The following PDGFRA variants were observed in gnomAD, a reference collection of about 807,000 sequenced individuals.
The protein encoded by PDGFRA is platelet derived growth factor receptor alpha.
PDGFRA carries 25 observed loss-of-function variants against 121.5 expected under a neutral mutation model. That is an observed-to-expected ratio of 0.21 (90% CI 0.15 to 0.29). The LOEUF (loss-of-function observed/expected upper bound fraction) is 0.29. PDGFRA is among the 10% of genes least tolerant of loss of function. The pLI is 1.00. For synonymous variants in PDGFRA, 463 were observed against 494.8 expected, an observed-to-expected ratio of 0.94 and a Z score of 0.85; for missense variants, 1,008 against 1,345.1, an observed-to-expected ratio of 0.75 and a Z score of 3.92.
In PDGFRA at chr4:54,292,589, A is replaced by T. The variant is rs558088225; in HGVS notation, c.3122+2035A>T. Among the ~76,000 whole-genome samples, 25 of 152,256 alleles carry T rather than the reference A, an allele frequency of 1.6e-4. No homozygotes were observed. The East Asian group carries it at 4.4e-3, about 27-fold the overall frequency. On this transcript the variant is annotated intron_variant, in intron 22 of 22. Coordinates refer to ENST00000257290, the MANE Select transcript of PDGFRA (RefSeq NM_006206.6). ...CTGGGCATAATACCTGGGTGATGGGATGATCTGTGCGGCAAACCACCATGA... is the reference window on the plus strand; with the variant it reads ...CTGGGCATAATACCTGGGTGATGGGTTGATCTGTGCGGCAAACCACCATGA...
chr4:54,260,512 A>C (rs1577704135), intron 2 of PDGFRA, among the ~76,000 whole-genome samples: 1 of 138,640 alleles, frequency 7.2e-6, no homozygotes, highest in Admixed American at 7.8e-5. Context: ...TGATCCTCCC[A>C]CCTCAGCCTC....
At chr4:54,260,683 T>C (rs1489512958) in intron 2 of PDGFRA, among the ~76,000 whole-genome samples, 1 of 152,090 alleles carries the variant, frequency 6.6e-6, no homozygotes, top group Admixed American at 6.5e-5. Flanking sequence ...GCTGGGATTA[T>C]AGACATGAGC....
intron 1 of PDGFRA, among the ~76,000 whole-genome samples, chr4:54,253,322 C>A (rs909533935): frequency 6.6e-6 from 1 of 152,190 alleles, no homozygotes; most frequent in Non-Finnish European, 1.5e-5. Flanking sequence ...GGGCAAGCAA[C>A]CAATCAGACC....
intron 1 of PDGFRA, among the ~76,000 whole-genome samples, chr4:54,241,308 G>A (rs1431927513): frequency 6.6e-6 from 1 of 151,954 alleles, no homozygotes. Flanking sequence ...TTTTTGGTAA[G>A]GAATGTTATA....
In PDGFRA at chr4:54,273,522, C is replaced by T. The variant is rs1723520156; in HGVS notation, c.1365-15C>T. 1.2e-6 allele frequency: 2 copies of T among 1,611,142 alleles called. No individual in the cohort carries two copies. The highest frequency in any genetic ancestry group is 2.2e-5 in the South Asian group (2 of 90,984). ...TCAGGAATTGGCCCTATACTTAGGC[C>T]CTTTTTCTCTCTAGATGTAATAATG... is the stretch of plus-strand genomic sequence containing the variant. On this transcript the variant is annotated splice_polypyrimidine_tract_variant and intron_variant, in intron 9 of 22. Coordinates refer to ENST00000257290, the MANE Select transcript of PDGFRA (RefSeq NM_006206.6).
At chr4:54,271,789 TC>T (rs1723380670) in intron 8 of PDGFRA, among the ~76,000 whole-genome samples, 1 of 141,944 alleles carries the variant, frequency 7.0e-6, no homozygotes, top group Non-Finnish European at 1.5e-5. Flanking sequence ...CCTTCCTCCC[TC>T]CCTCACTCTC....
chr4:54,261,541 C>A, intron 3 of PDGFRA, 129 bp downstream of exon 3: 1 of 598,840 alleles, frequency 1.7e-6, no homozygotes, highest in Non-Finnish European at 2.9e-6. Flanking sequence ...TGTAAGCGAA[C>A]ACACACAAAA....
At chr4:54,229,519 A>AG in intron 1 of PDGFRA, 104 bp downstream of exon 1, 1 of 393,354 alleles carries the variant, frequency 2.5e-6, no homozygotes, top group Non-Finnish European at 4.5e-6. Flanking sequence ...CGACAAGAAA[A>AG]AAAAAAAGGA....
At chr4:54,252,591 GA>G (rs1365848409) in intron 1 of PDGFRA, among the ~76,000 whole-genome samples, 1 of 151,760 alleles carries the variant, frequency 6.6e-6, no homozygotes, top group East Asian at 1.9e-4. Context: ...ATTTGCTGCA[GA>G]AAAAAAAGAA....
chr4:54,296,200 T>C lies in PDGFRA; in HGVS notation c.*928T>C. On this transcript the variant is annotated 3_prime_UTR_variant, in exon 23 of 23. Coordinates refer to ENST00000257290, the MANE Select transcript of PDGFRA (RefSeq NM_006206.6). ...GAATAGGTTCCCCAATCCATCGTAT[T>C]AAAAAACAATTAACTGCCCTCTGAA... The C allele has an allele frequency of 4.3e-6, 1 of 232,938 alleles. No individual in the cohort carries two copies. The highest frequency in any genetic ancestry group is 2.2e-5 in the African/African-American group (1 of 45,418). The allele number at this position is 232,938 out of a possible 1,614,324, so 14.4% of individuals were successfully genotyped here.
intron 12 of PDGFRA, chr4:54,277,059 TG>T (rs1160125785): frequency 2.5e-6 from 1 of 394,654 alleles, no homozygotes; most frequent in African/African-American, 2.0e-5. Context: ...GAGGTGTGGG[TG>T]AGAGCCCCGA....
At chr4:54,269,723 A>G (rs1305869432) in intron 7 of PDGFRA, among the ~76,000 whole-genome samples, 1 of 150,424 alleles carries the variant, frequency 6.6e-6, no homozygotes, top group African/African-American at 2.5e-5. Context: ...GCTCACTGCA[A>G]CCTCCGCCTC....
At chr4:54,232,687 C>A (rs1341380447) in intron 1 of PDGFRA, among the ~76,000 whole-genome samples, 1 of 152,190 alleles carries the variant, frequency 6.6e-6, no homozygotes, top group Non-Finnish European at 1.5e-5. Flanking sequence ...CAGGTTCAAG[C>A]GATTCTCCTG....
At chr4:54,233,015 C>G (rs993765337) in intron 1 of PDGFRA, among the ~76,000 whole-genome samples, 8 of 152,192 alleles carry the variant, frequency 5.3e-5, no homozygotes, top group African/African-American at 1.7e-4. Context: ...CCCTAAACCC[C>G]TCGGCCCCTT....
At chr4:54,274,762 G>A (rs2110298420) in intron 11 of PDGFRA, 79 bp from the exon 12 acceptor site, 1 of 1,536,858 alleles carries the variant, frequency 6.5e-7, no homozygotes, top group South Asian at 1.1e-5. Flanking sequence ...ACTGTGTCCA[G>A]TCACTGTGCT....
At chr4:54,236,538 T>C (rs1721023198) in intron 1 of PDGFRA, among the ~76,000 whole-genome samples, 1 of 152,254 alleles carries the variant, frequency 6.6e-6, no homozygotes, top group Admixed American at 6.5e-5. Flanking sequence ...GCACAGTGGC[T>C]CACGCCTGTA....
chr4:54,279,348 A>G (rs1476423001), intron 15 of PDGFRA, among the ~76,000 whole-genome samples: 1 of 152,188 alleles, frequency 6.6e-6, no homozygotes, highest in Non-Finnish European at 1.5e-5. Flanking sequence ...TGTATGTGCC[A>G]GGTGCCATGA....
In PDGFRA at chr4:54,290,412, A is replaced by G. The variant is rs552254049; in HGVS notation, c.2980A>G (p.Lys994Glu). 4.3e-6 allele frequency: 7 copies of G among 1,614,072 alleles called. No homozygotes were observed. Among genetic ancestry groups the G allele is most frequent in the East Asian group, 4.5e-5 (2 of 44,882 alleles). Residue 994 changes from lysine (K) to glutamate (E), a missense_variant, in exon 22 of 23, where the codon AAA becomes GAA. Lys to Glu is a moderately conservative substitution (Grantham distance 56). Transcript: ENST00000257290. ...CAATGCATACATTGGTGTCACCTAC[A>G]AAAACGAGGAAGACAAGCTGAAGGA... ...SDNAYIGVTY[K>E]NEEDKLKDWE...
Position 54,267,650 on chromosome 4 carries a change from C to A in PDGFRA, c.1030C>A (p.Pro344Thr), listed in dbSNP as rs764140125. Residue 344 changes from proline to threonine, a missense_variant, in exon 7 of 23, where the codon CCT becomes ACT. This residue lies in a region of PDGFRA where 575 missense variants were observed against 701.8 expected (regional missense o/e 0.82). Coordinates refer to ENST00000257290, the MANE Select transcript of PDGFRA (RefSeq NM_006206.6). ...HFVVEVRAYP[P>T]PRISWLKNNL... ...TGTTGTAGAGGTGCGGGCCTACCCACCTCCCAGGATATCCTGGCTGAAAAA... is the reference window on the plus strand; with the variant it reads ...TGTTGTAGAGGTGCGGGCCTACCCAACTCCCAGGATATCCTGGCTGAAAAA... 1 of 1,613,968 alleles carries A rather than the reference C, an allele frequency of 6.2e-7. No homozygotes were observed. The highest frequency in any genetic ancestry group is 2.2e-5 in the East Asian group (1 of 44,876).
Sources: gnomAD v4.1 joint callset for allele counts (sites outside exome capture counted in the v4.1 genomes callset) on GRCh38, gnomAD v4.1.1 for gene constraint, gnomAD v4.1.1 regional missense constraint, MANE v1.5 for transcripts, NCBI Gene and HGNC (gene_info 2026-07-23, HGNC 2026-07-21) for gene names.